Variants in SULT4A1 observed in about 807,000 individuals in gnomAD.
The protein encoded by SULT4A1 is sulfotransferase family 4A member 1.
Under a neutral mutation model 35.2 loss-of-function variants are expected in SULT4A1, and 11 were observed. The ratio of observed to expected loss-of-function variants is 0.31; its 90% CI spans 0.20 to 0.52. The LOEUF (loss-of-function observed/expected upper bound fraction) is 0.52, where lower values mean the gene tolerates loss of function less well. Ranked by LOEUF, SULT4A1 falls within the 20% of genes least tolerant of loss-of-function variation. SULT4A1 has a pLI of 0.97. For synonymous variants in SULT4A1, 152 were observed against 151.8 expected (o/e 1.00, Z -0.01); for missense variants, 271 against 383.7 (o/e 0.71, Z 2.45).
rs563900997 is a variant in SULT4A1, at chr22:43,853,102, G to A, written c.169+9112C>T. Among the ~76,000 whole-genome samples the A allele has an allele frequency of 8.1e-4, 123 of 150,980 alleles. 1 individual carries two copies. Among genetic ancestry groups the A allele is most frequent in the African/African-American group, 2.2e-3 (92 of 41,102 alleles). The stretch of plus-strand genomic sequence containing the variant: ...ACACACACTCCTCCAAACACAGCAC[G>A]CACACACACACCAGACACAGACCAC... On this transcript the variant is annotated intron_variant, in intron 1 of 6. Coordinates refer to ENST00000330884, the MANE Select transcript of SULT4A1 (RefSeq NM_014351.4).
intron 6 of SULT4A1, chr22:43,827,253 G>A (rs1158728265): frequency 6.1e-6 from 6 of 985,266 alleles, no homozygotes; most frequent in East Asian, 1.1e-4. Flanking sequence ...TATTAACAGC[G>A]GTCCTTGTCC....
At chr22:43,832,307 G>A (rs1569502886) in intron 5 of SULT4A1, among the ~76,000 whole-genome samples, 4 of 152,168 alleles carry the variant, frequency 2.6e-5, no homozygotes, top group Admixed American at 2.6e-4. Context: ...TCCATGGCGC[G>A]TGTGACCTTA....
At chr22:43,835,658 C>T (rs117836879) in intron 4 of SULT4A1, among the ~76,000 whole-genome samples, 6 of 152,286 alleles carry the variant, frequency 3.9e-5, no homozygotes, top group Non-Finnish European at 7.4e-5. Flanking sequence ...TAAGTCCAAG[C>T]AGATGAGTCC....
chr22:43,840,686 C>T (rs890752917), intron 2 of SULT4A1, among the ~76,000 whole-genome samples: 1 of 152,160 alleles, frequency 6.6e-6, no homozygotes, highest in East Asian at 1.9e-4. Context: ...ACCTGCCCCT[C>T]GGGCCTTCCC....
At position 43,827,002 on chromosome 22, in the gene SULT4A1, A is replaced by T. The variant is rs1423314828; in HGVS notation, c.743-889T>A. The T allele has an allele frequency of 6.1e-6, 6 of 985,410 alleles. No individual in the cohort carries two copies. The African/African-American group carries it at 1.0e-4, about 17-fold the overall frequency. 61.0% of individuals were successfully genotyped at this position (985,410 alleles called of 1,614,324 possible). A position where few individuals can be genotyped will look rare whatever the true frequency, so the allele number is the denominator to read the frequency against. ...GAAAGACAGCTCAACATGACAAGAGAAGTTGTTGCTCCCATTGTCTTTGTT... is the reference window on the plus strand; with the variant it reads ...GAAAGACAGCTCAACATGACAAGAGTAGTTGTTGCTCCCATTGTCTTTGTT... On this transcript the variant is annotated intron_variant, in intron 6 of 6. Coordinates refer to ENST00000330884, the MANE Select transcript of SULT4A1 (RefSeq NM_014351.4).
chr22:43,848,960 T>C (rs1261402283), intron 1 of SULT4A1, among the ~76,000 whole-genome samples: 1 of 152,212 alleles, frequency 6.6e-6, no homozygotes, highest in African/African-American at 2.4e-5. Context: ...AAGCAGTAAT[T>C]CACAGAAGTG....
rs55994715 is a variant in SULT4A1, at chr22:43,824,984, C to T, written c.*1017G>A. ...TACACGGAGGGATGAGGTGGACAGA[C>T]ACGCAGGCGGCCGTGCCAACCTGAT... On this transcript the variant is annotated 3_prime_UTR_variant, in exon 7 of 7. Coordinates refer to ENST00000330884, the MANE Select transcript of SULT4A1 (RefSeq NM_014351.4). 1 of 152,212 alleles carries T rather than the reference C, an allele frequency of 6.6e-6. No individual in the cohort carries two copies. Among genetic ancestry groups the T allele is most frequent in the South Asian group, 2.1e-4 (1 of 4,838 alleles). 9.4% of individuals were successfully genotyped at this position (152,212 alleles called of 1,614,324 possible).
intron 1 of SULT4A1, among the ~76,000 whole-genome samples, chr22:43,852,724 G>A (rs935106728): frequency 3.3e-5 from 5 of 151,340 alleles, no homozygotes; most frequent in African/African-American, 1.2e-4. Context: ...AGCACGACGG[G>A]AAGCTCTAAG....
In SULT4A1 at chr22:43,841,791, GC is replaced by G. The variant is rs774023367; in HGVS notation, c.300+10del. 30 of 1,611,078 alleles carry G rather than the reference GC, an allele frequency of 1.9e-5. No homozygotes were observed. Among genetic ancestry groups the G allele is most frequent in the Non-Finnish European group, 2.3e-5 (27 of 1,177,712 alleles). On this transcript the variant is annotated intron_variant, in intron 2 of 6. Coordinates refer to ENST00000330884, the MANE Select transcript of SULT4A1 (RefSeq NM_014351.4). Reference sequence around the variant, plus strand: ...AGAGGTGCTGGGACAGGTGCTGCTGGCCCTGGGTACCTTGATGATGTCCAGG... The same window carrying G: ...AGAGGTGCTGGGACAGGTGCTGCTGGCCTGGGTACCTTGATGATGTCCAGG...
At chr22:43,851,043 G>A (rs1376205830) in intron 1 of SULT4A1, among the ~76,000 whole-genome samples, 1 of 151,952 alleles carries the variant, frequency 6.6e-6, no homozygotes, top group Non-Finnish European at 1.5e-5. Flanking sequence ...TTCCCTTTCT[G>A]GAACTCCAGG....
chr22:43,849,684 A>G (rs1291545271), intron 1 of SULT4A1, among the ~76,000 whole-genome samples: 1 of 151,984 alleles, frequency 6.6e-6, no homozygotes, highest in Non-Finnish European at 1.5e-5. Flanking sequence ...AATCCCCCAC[A>G]TTTACCATCT....
At chr22:43,841,128 G>A (rs1569503776) in intron 2 of SULT4A1, among the ~76,000 whole-genome samples, 1 of 152,256 alleles carries the variant, frequency 6.6e-6, no homozygotes, top group Non-Finnish European at 1.5e-5. Flanking sequence ...GGTTCCGCAC[G>A]GACAAGGAGA....
At chr22:43,849,289 G>T (rs567738527) in intron 1 of SULT4A1, among the ~76,000 whole-genome samples, 17 of 152,152 alleles carry the variant, frequency 1.1e-4, no homozygotes, top group Admixed American at 9.2e-4. Context: ...AGGGACAGGG[G>T]GCAGGGAAAG....
At position 43,862,447 on chromosome 22, in the gene SULT4A1, G is replaced by A. The variant is rs1422594948; in HGVS notation, c.-65C>T. On this transcript the variant is annotated 5_prime_UTR_variant, in exon 1 of 7. Transcript: ENST00000330884. ...GCAGCCCGCACGCGCCCGCGCCCGC[G>A]CCCGCGCCCGCGCCCCGCACACGCT... 1.4e-5 allele frequency: 14 copies of A among 971,498 alleles called. No individual in the cohort carries two copies. Among genetic ancestry groups the A allele is most frequent in the Non-Finnish European group, 1.7e-5 (14 of 823,074 alleles). 60.2% of individuals were successfully genotyped at this position (971,498 alleles called of 1,614,324 possible).
At chr22:43,842,102 C>A (rs969277175) in intron 1 of SULT4A1, among the ~76,000 whole-genome samples, 170 bp from the exon 2 acceptor site, 8 of 152,228 alleles carry the variant, frequency 5.3e-5, no homozygotes, top group African/African-American at 1.2e-4. Flanking sequence ...GCCTGAATCC[C>A]CCGTGCTGGG....
intron 5 of SULT4A1, among the ~76,000 whole-genome samples, 186 bp downstream of exon 5, chr22:43,833,454 C>T (rs2063338931): frequency 6.6e-6 from 1 of 151,852 alleles, no homozygotes; most frequent in African/African-American, 2.4e-5. Flanking sequence ...ACACCTCAGG[C>T]TTTGACAGGC....
chr22:43,847,952 G>T (rs915084538), intron 1 of SULT4A1, among the ~76,000 whole-genome samples: 1 of 152,210 alleles, frequency 6.6e-6, no homozygotes, highest in Non-Finnish European at 1.5e-5. Context: ...TCCCAAAGTC[G>T]AGGTGTGGGC....
At chr22:43,844,072 T>G (rs2063455427) in intron 1 of SULT4A1, among the ~76,000 whole-genome samples, 1 of 152,188 alleles carries the variant, frequency 6.6e-6, no homozygotes, top group Admixed American at 6.5e-5. Context: ...ACTGAGTGCC[T>G]GCTTGCTGGC....
intron 6 of SULT4A1, chr22:43,826,789 C>G (rs1450249163): frequency 1.0e-6 from 1 of 985,262 alleles, no homozygotes; most frequent in Non-Finnish European, 1.2e-6. Flanking sequence ...AGACTAGATG[C>G]AAAACATGCA....
Sources: allele counts gnomAD v4.1 joint callset (sites outside exome capture counted in the v4.1 genomes callset), GRCh38; gene constraint gnomAD v4.1.1; transcripts MANE v1.5; gene names NCBI Gene and HGNC (gene_info 2026-07-23, HGNC 2026-07-21).